Variants in ANK2 observed in about 807,000 individuals in gnomAD.
ANK2 encodes the protein ankyrin 2.
In ANK2, 83 loss-of-function variants were observed where a neutral mutation model predicts 360.5. The ratio of observed to expected loss-of-function variants is 0.23; its 90% CI spans 0.19 to 0.28. ANK2 has a LOEUF of 0.28. Ranked by LOEUF, ANK2 falls within the 10% of genes least tolerant of loss-of-function variation. ANK2 has a pLI of 1.00. For missense variants in ANK2, 4,201 were observed against 4,795.7 expected (o/e 0.88, Z 3.66); for synonymous variants, 1,740 against 1,759.5 (o/e 0.99, Z 0.28).
chr4:113,178,289 C>T (rs182009692), intron 2 of ANK2, among the ~76,000 whole-genome samples: 2 of 152,042 alleles, frequency 1.3e-5, no homozygotes, highest in Admixed American at 6.6e-5. Flanking sequence ...TAAAACAGGC[C>T]AGGCGCAGTG....
the ANK2 span, among the ~76,000 whole-genome samples, chr4:112,765,703 A>T: frequency 7.5e-6 from 1 of 132,784 alleles, no homozygotes; most frequent in Non-Finnish European, 1.5e-5. Context: ...TGTCTTTTAG[A>T]TAGTATATGT....
chr4:113,373,249 C>T (rs1397946047), intron 44 of ANK2, 36 bp from the exon 45 acceptor site: 7 of 1,613,392 alleles, frequency 4.3e-6, no homozygotes, highest in Non-Finnish European at 4.2e-6. Context: ...GGTACTGTCA[C>T]ACAAAAATAA....
At chr4:112,908,069 A>G (rs2085854450) in intron 2 of ANK2, among the ~76,000 whole-genome samples, 1 of 152,178 alleles carries the variant, frequency 6.6e-6, no homozygotes, top group African/African-American at 2.4e-5. Flanking sequence ...ATCCATAAAG[A>G]TGGGATAGAA....
intron 22 of ANK2, among the ~76,000 whole-genome samples, chr4:113,299,609 G>A (rs1201246445): frequency 6.6e-6 from 1 of 151,814 alleles, no homozygotes; most frequent in Non-Finnish European, 1.5e-5. Context: ...GGAGGCTGAG[G>A]CAGGAGAATG....
At position 112,941,060 on chromosome 4, in the gene ANK2, A is replaced by G. The variant is rs1215841983; in HGVS notation, c.21+36546A>G. On this transcript the variant is annotated intron_variant, in intron 2 of 30. Coordinates refer to the ANK2 transcript ENST00000503271. ...GTGAGAAGAGTTTGGCTACTTTAGC[A>G]TAAAAGTTACTAAATGCACCTTTAA... 4.6e-5 allele frequency among the ~76,000 whole-genome samples: 7 copies of G among 152,046 alleles called. No homozygotes were observed. The South Asian group carries it at 8.3e-4, about 18-fold the overall frequency.
At chr4:113,165,034 T>C (rs1562548656) in intron 1 of ANK2, among the ~76,000 whole-genome samples, 1 of 152,194 alleles carries the variant, frequency 6.6e-6, no homozygotes, top group Admixed American at 6.5e-5. Context: ...TGACCAGTGA[T>C]GATCCAAAAG....
intron 1 of ANK2, among the ~76,000 whole-genome samples, chr4:113,173,722 C>T (rs1336304985): frequency 6.6e-6 from 1 of 152,158 alleles, no homozygotes; most frequent in African/African-American, 2.4e-5. Flanking sequence ...AAGCAGTTTC[C>T]ATCCAGAGTG....
chr4:113,358,246 A>G lies in ANK2; in HGVS notation c.9628A>G (p.Thr3210Ala). The change falls in exon 38 of 46, where the codon ACT (threonine) becomes GCT (alanine). Residue 3210 changes from threonine (T) to alanine (A), a missense_variant. By Grantham distance (58) the Thr-to-Ala change is moderately conservative. Transcript: ENST00000357077. ...CTCCCAAATGGGGATTTCAGCCTCCACTGAAACACCTACAAAAGAAGCTGT... is the reference window on the plus strand; with the variant it reads ...CTCCCAAATGGGGATTTCAGCCTCCGCTGAAACACCTACAAAAGAAGCTGT... The part of the protein sequence containing the change: ...LNSQMGISAS[T>A]ETPTKEAVSV... 1 of 1,614,118 alleles carries G rather than the reference A, an allele frequency of 6.2e-7. No individual in the cohort carries two copies. Among genetic ancestry groups the G allele is most frequent in the Middle Eastern group, 1.7e-4 (1 of 6,060 alleles).
the ANK2 span, among the ~76,000 whole-genome samples, chr4:112,712,404 ATAT>A: frequency 2.3e-3 from 122 of 52,680 alleles, no homozygotes; most frequent in African/African-American, 5.3e-3. Context: ...ATATATATAT[ATAT>A]TTTTTTTTTT....
intron 34 of ANK2, among the ~76,000 whole-genome samples, chr4:113,344,588 C>G (rs933444553): frequency 1.2e-4 from 19 of 152,110 alleles, no homozygotes; most frequent in African/African-American, 4.1e-4. Flanking sequence ...TACTTGCACA[C>G]CAATGTTCTT....
intron 1 of ANK2, among the ~76,000 whole-genome samples, chr4:112,898,912 A>G (rs867817630): frequency 1.3e-5 from 2 of 152,184 alleles, no homozygotes; most frequent in Admixed American, 6.5e-5. Flanking sequence ...GCTGCCCTAC[A>G]GACACTGATC....
intron 1 of ANK2, among the ~76,000 whole-genome samples, chr4:112,823,398 A>G (rs1390488136): frequency 6.6e-6 from 1 of 152,196 alleles, no homozygotes; most frequent in East Asian, 1.9e-4. Flanking sequence ...ACATTTCTAA[A>G]TGGTGACATC....
At chr4:112,991,110 G>A (rs1381723077) in intron 2 of ANK2, among the ~76,000 whole-genome samples, 3 of 151,956 alleles carry the variant, frequency 2.0e-5, no homozygotes, top group African/African-American at 4.8e-5. Flanking sequence ...AATTAGCTGG[G>A]CATGGTGATG....
intron 2 of ANK2, among the ~76,000 whole-genome samples, chr4:113,029,575 GTTC>G (rs994233227): frequency 2.6e-5 from 4 of 152,004 alleles, no homozygotes; most frequent in African/African-American, 7.2e-5. Context: ...CGTGGCCGGA[GTTC>G]TTCTTTAGAA....
chr4:112,799,439 A>T, the ANK2 span, among the ~76,000 whole-genome samples: 1 of 152,244 alleles, frequency 6.6e-6, no homozygotes, highest in African/African-American at 2.4e-5. Flanking sequence ...TTCTACCAGC[A>T]GTTTACAAGA....
At chr4:113,191,288 T>C (rs1185950128) in intron 2 of ANK2, among the ~76,000 whole-genome samples, 2 of 152,104 alleles carry the variant, frequency 1.3e-5, no homozygotes, top group Admixed American at 6.5e-5. Flanking sequence ...GGTTGCACGA[T>C]GAGTTGAGAT....
intron 15 of ANK2, among the ~76,000 whole-genome samples, chr4:113,275,805 T>A (rs1392165574): frequency 6.6e-6 from 1 of 151,876 alleles, no homozygotes; most frequent in East Asian, 1.9e-4. Context: ...ATCATCAAAA[T>A]TAAGATACAT....
chr4:113,348,273 A>G lies in ANK2; in HGVS notation c.4372-3A>G. 1 of 1,613,378 alleles carries G rather than the reference A, an allele frequency of 6.2e-7. No individual in the cohort carries two copies. The highest frequency in any genetic ancestry group is 1.3e-5 in the African/African-American group (1 of 74,990). On this transcript the variant is annotated splice_region_variant and splice_polypyrimidine_tract_variant and intron_variant, in intron 35 of 45. Transcript: ENST00000357077. ...ATCTTGCATGGCATCTTGGGGCGGA[A>G]AGGAATCAGAGTCAGATCAAGAACA...
chr4:112,955,573 T>C (rs958870469), intron 2 of ANK2, among the ~76,000 whole-genome samples: 3 of 152,126 alleles, frequency 2.0e-5, no homozygotes, highest in Admixed American at 2.0e-4. Flanking sequence ...GAATTTATTG[T>C]GGACTTGATT....
Sources: allele counts gnomAD v4.1 joint callset (sites outside exome capture counted in the v4.1 genomes callset), GRCh38; gene constraint gnomAD v4.1.1; transcripts MANE v1.5; gene names NCBI Gene and HGNC (gene_info 2026-07-23, HGNC 2026-07-21).